GABARAPL2: variants seen among roughly 807,000 people sequenced by gnomAD.
GABARAPL2 encodes the protein gamma-aminobutyric acid receptor-associated protein-like 2.
In GABARAPL2, 11 loss-of-function variants were observed where a neutral mutation model predicts 16.9. The observed-to-expected ratio is 0.65, with a 90% confidence interval of 0.41 to 1.08. GABARAPL2 has a LOEUF of 1.08. Among genes scored for constraint, GABARAPL2 ranks in the 50% least tolerant of loss-of-function variants. The pLI, the probability that GABARAPL2 is intolerant of heterozygous loss-of-function variation, is 0.00. For missense variants in GABARAPL2, 134 were observed against 142.5 expected, an observed-to-expected ratio of 0.94 and a Z score of 0.30; for synonymous variants, 57 against 50.7, an observed-to-expected ratio of 1.12 and a Z score of -0.53.
intron 3 of GABARAPL2, among the ~76,000 whole-genome samples, chr16:75,570,909 A>C (rs2080910382): frequency 6.6e-6 from 1 of 152,214 alleles, no homozygotes; most frequent in African/African-American, 2.4e-5. Context: ...ACAGAACTTC[A>C]GAAAAAACAT....
intron 2 of GABARAPL2, among the ~76,000 whole-genome samples, chr16:75,567,145 G>C (rs531508958): frequency 6.6e-6 from 1 of 152,208 alleles, no homozygotes; most frequent in East Asian, 1.9e-4. Flanking sequence ...CTGCAGCCTC[G>C]GGGCTCCCTG....
chr16:75,572,863 G>A (rs1292753434), intron 3 of GABARAPL2, among the ~76,000 whole-genome samples: 2 of 152,184 alleles, frequency 1.3e-5, no homozygotes, highest in Non-Finnish European at 2.9e-5. Flanking sequence ...AATGCGTGTG[G>A]TACTTGATGC....
In GABARAPL2 at chr16:75,577,337, G is replaced by C; in HGVS notation, c.322G>C (p.Ala108Pro). Residue 108 changes from alanine (A) to proline (P), a missense_variant, in exon 4 of 4, where the codon GCC becomes CCC. Coordinates refer to ENST00000037243, the MANE Select transcript of GABARAPL2 (RefSeq NM_007285.7). Reference sequence around the variant, plus strand: ...AGATGAAGATGGATTCTTATATGTGGCCTACAGCGGAGAGAACACTTTTGG... The same window carrying C: ...AGATGAAGATGGATTCTTATATGTGCCCTACAGCGGAGAGAACACTTTTGG... Reference protein sequence around the residue: ...EKDEDGFLYVAYSGENTFGF With the variant: ...EKDEDGFLYVPYSGENTFGF 6.2e-7 allele frequency: 1 copy of C among 1,612,172 alleles called. No individual in the cohort carries two copies. Among genetic ancestry groups the C allele is most frequent in the Non-Finnish European group, 8.5e-7 (1 of 1,178,218 alleles).
At chr16:75,575,417 T>A (rs1597061204) in intron 3 of GABARAPL2, among the ~76,000 whole-genome samples, 1 of 152,196 alleles carries the variant, frequency 6.6e-6, no homozygotes, top group Admixed American at 6.5e-5. Context: ...GGCCTCAGCT[T>A]CCCGAGTAGC....
chr16:75,575,915 A>G (rs994505916), intron 3 of GABARAPL2: 2 of 152,216 alleles, frequency 1.3e-5, no homozygotes, highest in African/African-American at 4.8e-5. Context: ...CTGCATTTTC[A>G]TACTAAGTCT....
At chr16:75,571,761 C>G (rs1009301479) in intron 3 of GABARAPL2, among the ~76,000 whole-genome samples, 1 of 151,508 alleles carries the variant, frequency 6.6e-6, no homozygotes. Flanking sequence ...ACTGCAACCT[C>G]TGCCTCCCAG....
chr16:75,571,964 C>T (rs1430832829), intron 3 of GABARAPL2, among the ~76,000 whole-genome samples: 2 of 152,100 alleles, frequency 1.3e-5, no homozygotes, highest in Non-Finnish European at 2.9e-5. Context: ...AGGCGTGAGC[C>T]ACTGCTCCCG....
At chr16:75,573,871 A>G (rs1233540030) in intron 3 of GABARAPL2, among the ~76,000 whole-genome samples, 1 of 152,186 alleles carries the variant, frequency 6.6e-6, no homozygotes, top group Non-Finnish European at 1.5e-5. Context: ...CAGTTTTCCT[A>G]TCTAGGAACT....
chr16:75,576,758 G>C (rs1009459842), intron 3 of GABARAPL2: 2 of 153,664 alleles, frequency 1.3e-5, no homozygotes, highest in Non-Finnish European at 2.9e-5. Flanking sequence ...GGTTCTTTGG[G>C]AGGTTGGGCA....
intron 3 of GABARAPL2, among the ~76,000 whole-genome samples, chr16:75,571,454 A>C (rs372485317): frequency 2.0e-5 from 3 of 152,200 alleles, no homozygotes; most frequent in East Asian, 1.9e-4. Flanking sequence ...TTTCTCTCCA[A>C]GTCCCATTTG....
intron 3 of GABARAPL2, chr16:75,572,729 C>T (rs150973065): frequency 3.3e-5 from 5 of 152,374 alleles, no homozygotes; most frequent in South Asian, 2.1e-4. Flanking sequence ...CAGGGTCCCA[C>T]TTCACCTTAG....
At chr16:75,567,953 C>T in intron 2 of GABARAPL2, 84 bp from the exon 3 acceptor site, 1 of 1,044,384 alleles carries the variant, frequency 9.6e-7, no homozygotes, top group Non-Finnish European at 1.4e-6. Context: ...TCCTTGCCCA[C>T]ACTCTGTTCA....
chr16:75,567,836 A>T (rs111253869), intron 2 of GABARAPL2, among the ~76,000 whole-genome samples: 71 of 152,330 alleles, frequency 4.7e-4, no homozygotes, highest in African/African-American at 1.6e-3. Context: ...ACAGAAAAGC[A>T]CTTACTGTTT....
intron 3 of GABARAPL2, among the ~76,000 whole-genome samples, chr16:75,570,314 G>A (rs1229512410): frequency 6.6e-6 from 1 of 152,116 alleles, no homozygotes; most frequent in Non-Finnish European, 1.5e-5. Context: ...ACATCATTGG[G>A]CTTTATGCAA....
rs565593150 is a variant in GABARAPL2 at position 75,568,025 on chromosome 16, T to G, written c.91-12T>G. 4 of 1,593,154 alleles carry G rather than the reference T, an allele frequency of 2.5e-6. No homozygotes were observed. The highest frequency in any genetic ancestry group is 3.4e-6 in the Non-Finnish European group (4 of 1,163,674). On this transcript the variant is annotated splice_polypyrimidine_tract_variant and intron_variant, in intron 2 of 3. Coordinates refer to ENST00000037243, the MANE Select transcript of GABARAPL2 (RefSeq NM_007285.7). ...TAGGAAACACAGTCCTGACCTCTCT[T>G]TACTTTCCCAGGTGATTGTGGAAAA...
Position 75,568,171 on chromosome 16 carries a change from G to T in GABARAPL2, c.225G>T (p.Ala75=), listed in dbSNP as rs1451351536. ...RKRIQLPSEK[A]IFLFVDKTVP... is the part of the protein sequence containing the mutation. ...GGATCCAGCTTCCTTCTGAAAAGGC[G>T]ATCTTCCTGTTTGTGGATAAGACAG... is the stretch of plus-strand genomic sequence containing the variant. Residue 75 remains alanine, a synonymous_variant, in exon 3 of 4, where the codon GCG becomes GCT. Transcript: ENST00000037243. 1.9e-6 allele frequency: 3 copies of T among 1,613,020 alleles called. No individual in the cohort carries two copies. The highest frequency in any genetic ancestry group is 2.5e-6 in the Non-Finnish European group (3 of 1,179,036).
chr16:75,567,675 T>C (rs1406080624), intron 2 of GABARAPL2, among the ~76,000 whole-genome samples: 2 of 152,110 alleles, frequency 1.3e-5, no homozygotes, highest in Non-Finnish European at 1.5e-5. Context: ...GGGAACACAG[T>C]AGTGTTTCCT....
At chr16:75,569,444 G>C (rs1056793166) in intron 3 of GABARAPL2, among the ~76,000 whole-genome samples, 2 of 152,188 alleles carry the variant, frequency 1.3e-5, no homozygotes, top group Non-Finnish European at 2.9e-5. Context: ...TCCTTCCCAG[G>C]CCTCTGGGCT....
chr16:75,575,152 C>T (rs956270861), intron 3 of GABARAPL2, among the ~76,000 whole-genome samples: 5 of 152,154 alleles, frequency 3.3e-5, no homozygotes, highest in African/African-American at 4.8e-5. Context: ...CTGAGACCCA[C>T]GGCTGCAGGC....
Sources: gnomAD v4.1 joint callset for allele counts (sites outside exome capture counted in the v4.1 genomes callset) on GRCh38, gnomAD v4.1.1 for gene constraint, MANE v1.5 for transcripts, NCBI Gene and HGNC (gene_info 2026-07-23, HGNC 2026-07-21) for gene names.